The following WWOX variants were observed in gnomAD, a reference collection of about 807,000 sequenced individuals.
WWOX encodes the protein WW domain containing oxidoreductase.
In WWOX, 69 loss-of-function variants were observed where a neutral mutation model predicts 46.2. The observed-to-expected ratio is 1.49, with a 90% CI of 1.23 to 1.82. WWOX has a LOEUF of 1.82. Among genes scored for constraint, WWOX ranks in the 40% most tolerant of loss-of-function variants. The pLI is 0.00. For synonymous variants in WWOX, 359 were observed against 202.6 expected (o/e 1.77, Z -6.56); for missense variants, 919 against 542.6 (o/e 1.69, Z -6.89).
intron 8 of WWOX, among the ~76,000 whole-genome samples, chr16:79,156,102 C>G (rs750370999): frequency 3.3e-5 from 5 of 152,178 alleles, no homozygotes; most frequent in Admixed American, 2.0e-4. Context: ...TCTCACTACT[C>G]ATAGGCCCAT....
chr16:79,186,928 CA>C (rs1477156649), intron 8 of WWOX, among the ~76,000 whole-genome samples: 3 of 152,004 alleles, frequency 2.0e-5, no homozygotes, highest in South Asian at 2.1e-4. Context: ...CTCCCAAGCC[CA>C]AAAGTAGACA....
Position 79,112,324 on chromosome 16 carries a change from C to T in WWOX, c.1057-99284C>T, listed in dbSNP as rs371728163. On this transcript the variant is annotated intron_variant, in intron 8 of 8. Transcript: ENST00000566780. The stretch of plus-strand genomic sequence containing the variant: ...GCACTCAGATGTCAAGTCACCAAAC[C>T]TTCATTCTGAATATTTTTGAGGCTC... 2.6e-5 allele frequency among the ~76,000 whole-genome samples: 4 copies of T among 152,164 alleles called. No individual in the cohort carries two copies. In the East Asian group the frequency reaches 7.7e-4, roughly 29 times the overall value.
At chr16:78,680,142 G>A (rs77911430) in intron 8 of WWOX, among the ~76,000 whole-genome samples, 2,460 of 152,362 alleles carry the variant, frequency 0.016, 23 homozygotes, top group South Asian at 0.039. Context: ...GGGCGTGGCG[G>A]CTCACGCCTG....
intron 8 of WWOX, among the ~76,000 whole-genome samples, chr16:78,903,213 A>G (rs897016758): frequency 1.3e-5 from 2 of 152,134 alleles, no homozygotes; most frequent in Admixed American, 6.5e-5. Context: ...CCCCTTATAA[A>G]TGAAGTGGTG....
intron 5 of WWOX, among the ~76,000 whole-genome samples, chr16:78,353,970 C>A (rs4530154): frequency 0.7 from 106,579 of 152,152 alleles, 38,170 homozygotes; most frequent in African/African-American, 0.74. Flanking sequence ...CCATCGCTTT[C>A]GTGCTTTCCT....
intron 8 of WWOX, among the ~76,000 whole-genome samples, chr16:78,461,701 C>G (rs958194938): frequency 3.9e-5 from 6 of 152,210 alleles, no homozygotes; most frequent in African/African-American, 1.2e-4. Flanking sequence ...TAAAAATACA[C>G]TGCAAGTCGA....
chr16:78,469,180 A>T (rs1269155272), intron 8 of WWOX, among the ~76,000 whole-genome samples: 1 of 152,154 alleles, frequency 6.6e-6, no homozygotes, highest in African/African-American at 2.4e-5. Flanking sequence ...TTGTTATGGA[A>T]ATCGTCAGGG....
At chr16:78,788,677 G>C (rs1226767791) in intron 8 of WWOX, among the ~76,000 whole-genome samples, 2 of 152,222 alleles carry the variant, frequency 1.3e-5, no homozygotes, top group African/African-American at 4.8e-5. Context: ...GTAAGGGGTA[G>C]CAAGTGTTTT....
rs79565568 is a variant in WWOX at position 78,587,360 on chromosome 16, T to A, written c.1056+154608T>A. On this transcript the variant is annotated intron_variant, in intron 8 of 8. Transcript: ENST00000566780. Reference sequence around the variant, plus strand: ...GTTAGTATTCTTTACATTTTTAAAATAAAATTTCAGAGAAAGCAACCAAAG... The same window carrying A: ...GTTAGTATTCTTTACATTTTTAAAAAAAAATTTCAGAGAAAGCAACCAAAG... Among the ~76,000 whole-genome samples, 13 of 152,038 alleles carry A rather than the reference T, an allele frequency of 8.6e-5. No homozygotes were observed. The East Asian group carries it at 2.5e-3, about 29-fold the overall frequency.
intron 8 of WWOX, among the ~76,000 whole-genome samples, chr16:79,112,635 A>G (rs1405030431): frequency 6.6e-6 from 1 of 152,200 alleles, no homozygotes; most frequent in Non-Finnish European, 1.5e-5. Flanking sequence ...CACTGCATAA[A>G]AGATTAAGAA....
chr16:78,470,246 C>T (rs910740799), intron 8 of WWOX, among the ~76,000 whole-genome samples: 1 of 152,128 alleles, frequency 6.6e-6, no homozygotes, highest in African/African-American at 2.4e-5. Context: ...AAGGATGAGG[C>T]CTGGGAGTGG....
intron 8 of WWOX, among the ~76,000 whole-genome samples, chr16:78,877,019 G>A (rs779080338): frequency 2.6e-5 from 4 of 152,074 alleles, no homozygotes; most frequent in Admixed American, 6.5e-5. Flanking sequence ...CTGCTGGTTC[G>A]AAGAGGTCCA....
At chr16:79,011,693 G>T (rs894326044) in intron 8 of WWOX, among the ~76,000 whole-genome samples, 1 of 151,456 alleles carries the variant, frequency 6.6e-6, no homozygotes, top group Non-Finnish European at 1.5e-5. Context: ...AGTTTTTGCC[G>T]TGTTGCCGAG....
intron 8 of WWOX, among the ~76,000 whole-genome samples, chr16:78,726,176 C>T (rs1178887452): frequency 7.3e-6 from 1 of 137,406 alleles, no homozygotes; most frequent in African/African-American, 2.7e-5. Flanking sequence ...TCTCTCTTTT[C>T]TCTCTCTCTC....
In WWOX at chr16:78,345,864, G is replaced by C. The variant is rs189751755; in HGVS notation, c.517-40996G>C. ...TGCTTGGATTGGTTTGATCAACTTTGTTGCGGTCTAATTTATGTAAAATAA... is the reference window on the plus strand; with the variant it reads ...TGCTTGGATTGGTTTGATCAACTTTCTTGCGGTCTAATTTATGTAAAATAA... On this transcript the variant is annotated intron_variant, in intron 5 of 8. Coordinates refer to ENST00000566780, the MANE Select transcript of WWOX (RefSeq NM_016373.4). Among the ~76,000 whole-genome samples the C allele has an allele frequency of 5.0e-5, 6 of 118,914 alleles. No individual in the cohort carries two copies. The East Asian group carries it at 1.2e-3, about 23-fold the overall frequency. 78.0% of individuals were successfully genotyped at this position (118,914 alleles called of 152,430 possible).
intron 8 of WWOX, among the ~76,000 whole-genome samples, chr16:78,565,300 A>G (rs1302698321): frequency 6.6e-6 from 1 of 152,222 alleles, no homozygotes; most frequent in Non-Finnish European, 1.5e-5. Flanking sequence ...CACAAGTTCA[A>G]AATCAGTCTC....
At chr16:78,681,150 G>A (rs991493819) in intron 8 of WWOX, among the ~76,000 whole-genome samples, 19 of 152,330 alleles carry the variant, frequency 1.2e-4, no homozygotes, top group African/African-American at 4.6e-4. Context: ...TTTGGAGGCT[G>A]AGGCAGGAGA....
intron 8 of WWOX, among the ~76,000 whole-genome samples, chr16:78,779,400 G>T (rs1463865350): frequency 6.6e-6 from 1 of 152,052 alleles, no homozygotes; most frequent in Non-Finnish European, 1.5e-5. Context: ...TTCCACCTCA[G>T]CTTGACATTA....
At chr16:78,308,271 G>A (rs1056856064) in intron 5 of WWOX, among the ~76,000 whole-genome samples, 2 of 152,132 alleles carry the variant, frequency 1.3e-5, no homozygotes, top group African/African-American at 2.4e-5. Flanking sequence ...TAAATTCTAA[G>A]CTCCCCAAGC....
Sources: gnomAD v4.1 joint callset for allele counts (sites outside exome capture counted in the v4.1 genomes callset) on GRCh38, gnomAD v4.1.1 for gene constraint, MANE v1.5 for transcripts, NCBI Gene and HGNC (gene_info 2026-07-23, HGNC 2026-07-21) for gene names.